CAMTA1: variants seen among roughly 807,000 people sequenced by gnomAD.
The protein encoded by CAMTA1 is calmodulin binding transcription activator 1, also known as calmodulin-binding transcription activator 1.
CAMTA1 carries 27 observed loss-of-function variants against 170.9 expected under a neutral mutation model. The ratio of observed to expected loss-of-function variants is 0.16; its 90% confidence interval spans 0.12 to 0.22. The LOEUF (loss-of-function observed/expected upper bound fraction) is 0.22. CAMTA1 is among the 10% of genes least tolerant of loss of function. The pLI is 1.00. For missense variants in CAMTA1, 1,619 were observed against 2,217.2 expected, an observed-to-expected ratio of 0.73 and a Z score of 5.42; for synonymous variants, 833 against 891.5, an observed-to-expected ratio of 0.93 and a Z score of 1.17.
Position 7,186,384 on chromosome 1 carries a change from G to A in CAMTA1, c.303-63107G>A, listed in dbSNP as rs531105037. On this transcript the variant is annotated intron_variant, in intron 4 of 22. Transcript: ENST00000303635. Reference sequence around the variant, plus strand: ...AATGAGATAATACCTACAGGTGCTAGTGCTGGGACCTGGACATAGGAATTA... The same window carrying A: ...AATGAGATAATACCTACAGGTGCTAATGCTGGGACCTGGACATAGGAATTA... Among the ~76,000 whole-genome samples, 5 of 152,346 alleles carry A rather than the reference G, an allele frequency of 3.3e-5. No homozygotes were observed. In the South Asian group the frequency reaches 1.0e-3, roughly 32 times the overall value.
At chr1:7,005,717 T>C (rs1053352854) in intron 3 of CAMTA1, among the ~76,000 whole-genome samples, 1 of 152,202 alleles carries the variant, frequency 6.6e-6, no homozygotes, top group Non-Finnish European at 1.5e-5. Context: ...CAGTCTAGGA[T>C]GGCTTGGGAA....
At chr1:7,037,543 A>G (rs17030177) in intron 3 of CAMTA1, among the ~76,000 whole-genome samples, 3,036 of 152,308 alleles carry the variant, frequency 0.02, 90 homozygotes, top group African/African-American at 0.068. Context: ...TAAGTTTTAG[A>G]TAAATTTAAA....
At chr1:7,147,439 A>G (rs77721532) in intron 4 of CAMTA1, among the ~76,000 whole-genome samples, 1 of 145,646 alleles carries the variant, frequency 6.9e-6, no homozygotes, top group Non-Finnish European at 1.5e-5. Flanking sequence ...AAAAAAAAAA[A>G]CACCCCAAAT....
In CAMTA1 at chr1:7,443,952, C is replaced by T. The variant is rs1466079062; in HGVS notation, c.439-23878C>T. Reference sequence around the variant, plus strand: ...CATCCCCAGTCTTGTTGGGCTCAGACATTGTGATCCGTCGGTGAGCCATCG... The same window carrying T: ...CATCCCCAGTCTTGTTGGGCTCAGATATTGTGATCCGTCGGTGAGCCATCG... On this transcript the variant is annotated intron_variant, in intron 5 of 22. Coordinates refer to ENST00000303635, the MANE Select transcript of CAMTA1 (RefSeq NM_015215.4). This position sits in a 1 kb window ranked among gnomAD's most constrained non-coding sequence, Gnocchi z 4.1. Among the ~76,000 whole-genome samples the T allele has an allele frequency of 1.3e-5, 2 of 151,602 alleles. No homozygotes were observed. The highest frequency in any genetic ancestry group is 6.6e-5 in the Admixed American group (1 of 15,248).
chr1:6,982,017 A>AT (rs1285781509), intron 3 of CAMTA1, among the ~76,000 whole-genome samples: 2 of 152,188 alleles, frequency 1.3e-5, no homozygotes, highest in Non-Finnish European at 2.9e-5. Context: ...GGCATAATGT[A>AT]TTTTTTTGAC....
chr1:7,247,750 G>T (rs6693725), intron 4 of CAMTA1, among the ~76,000 whole-genome samples: 87,867 of 151,916 alleles, frequency 0.58, 25,760 homozygotes, highest in East Asian at 0.7. Context: ...CTTACAGCAC[G>T]GTGAAGATTA....
intron 6 of CAMTA1, among the ~76,000 whole-genome samples, chr1:7,619,518 T>C (rs1225564493): frequency 1.3e-5 from 2 of 152,224 alleles, no homozygotes; most frequent in Non-Finnish European, 2.9e-5. Flanking sequence ...TCTTACCTCA[T>C]GAGCCAGAAT....
chr1:7,445,019 G>A (rs1241796967), intron 5 of CAMTA1, among the ~76,000 whole-genome samples: 3 of 151,170 alleles, frequency 2.0e-5, no homozygotes, highest in East Asian at 2.0e-4. Flanking sequence ...TAATAAAAGC[G>A]GTTGCAGCTG....
intron 4 of CAMTA1, among the ~76,000 whole-genome samples, chr1:7,184,707 A>T (rs1210011320): frequency 6.6e-6 from 1 of 152,188 alleles, no homozygotes; most frequent in Non-Finnish European, 1.5e-5. Flanking sequence ...TTCTCTGAGT[A>T]TATCTGTTTA....
intron 8 of CAMTA1, 121 bp downstream of exon 8, chr1:7,661,987 T>C: frequency 8.2e-7 from 1 of 1,226,604 alleles, no homozygotes; most frequent in East Asian, 2.6e-5. Context: ...AGGGGGACAG[T>C]CAGGGACTGG....
At chr1:7,516,549 G>C (rs1445788492) in intron 6 of CAMTA1, among the ~76,000 whole-genome samples, 1 of 152,194 alleles carries the variant, frequency 6.6e-6, no homozygotes, top group African/African-American at 2.4e-5. Flanking sequence ...GAGGCACAGG[G>C]TAGACCAGAT....
intron 6 of CAMTA1, among the ~76,000 whole-genome samples, chr1:7,494,028 G>C (rs1232343057): frequency 6.6e-6 from 1 of 152,060 alleles, no homozygotes; most frequent in Admixed American, 6.5e-5. Context: ...CCACTCCCCC[G>C]TGCATTTTAA....
rs1243753737 is a variant in CAMTA1 at position 7,680,941 on chromosome 1, T to G, written c.2914+3208T>G. Reference sequence around the variant, plus strand: ...GCCTTTGTCCCCGCGGCGTAGCTTTTGTTTGCGCAGCCCCGCCCTGCGGAG... The same window carrying G: ...GCCTTTGTCCCCGCGGCGTAGCTTTGGTTTGCGCAGCCCCGCCCTGCGGAG... On this transcript the variant is annotated intron_variant, in intron 11 of 22. Coordinates refer to ENST00000303635, the MANE Select transcript of CAMTA1 (RefSeq NM_015215.4). The surrounding 1 kb of genome is among the most constrained non-coding windows in gnomAD (Gnocchi z 4.4). 6.6e-6 allele frequency among the ~76,000 whole-genome samples: 1 copy of G among 150,918 alleles called. No homozygotes were observed. The highest frequency in any genetic ancestry group is 6.6e-5 in the Admixed American group (1 of 15,140).
chr1:7,420,979 G>A (rs1008311205), intron 5 of CAMTA1, among the ~76,000 whole-genome samples: 5 of 152,140 alleles, frequency 3.3e-5, no homozygotes, highest in African/African-American at 1.2e-4. Flanking sequence ...GCTTCTCAGG[G>A]GAGGCCTCCC....
intron 5 of CAMTA1, among the ~76,000 whole-genome samples, chr1:7,432,414 A>C (rs1384113000): frequency 6.6e-6 from 1 of 152,204 alleles, no homozygotes; most frequent in Admixed American, 6.5e-5. Flanking sequence ...GTTTAACATA[A>C]TTTAGAGGAT....
intron 5 of CAMTA1, among the ~76,000 whole-genome samples, chr1:7,260,485 T>C (rs940197474): frequency 5.9e-5 from 9 of 152,244 alleles, no homozygotes; most frequent in Admixed American, 1.3e-4. Flanking sequence ...AGAAATGTCC[T>C]GTTTCTCTTA....
chr1:7,017,036 T>G (rs1279410658), intron 3 of CAMTA1, among the ~76,000 whole-genome samples: 1 of 152,146 alleles, frequency 6.6e-6, no homozygotes, highest in Non-Finnish European at 1.5e-5. Context: ...TGTACACAGG[T>G]GCCCACTTCT....
At chr1:7,504,384 T>TGGCCTGGGCAC (rs2094064859) in intron 6 of CAMTA1, among the ~76,000 whole-genome samples, 1 of 152,232 alleles carries the variant, frequency 6.6e-6, no homozygotes, top group Non-Finnish European at 1.5e-5. Flanking sequence ...TGCCTGGGCT[T>TGGCCTGGGCAC]GGCCTGGGCA....
At chr1:7,753,336 C>T (rs543565852) in intron 21 of CAMTA1, among the ~76,000 whole-genome samples, 17 of 152,330 alleles carry the variant, frequency 1.1e-4, no homozygotes, top group Admixed American at 4.6e-4. Context: ...TCCAGTCTGA[C>T]GTCTGTAACT....
Sources: gnomAD v4.1 joint callset for allele counts (sites outside exome capture counted in the v4.1 genomes callset) on GRCh38, gnomAD v4.1.1 for gene constraint, Gnocchi (gnomAD v3.1) non-coding constraint, MANE v1.5 for transcripts, NCBI Gene and HGNC (gene_info 2026-07-23, HGNC 2026-07-21) for gene names.